Variants in XPO6 observed in about 807,000 individuals in gnomAD.
XPO6 encodes exportin 6, also known as exportin-6.
A neutral mutation model predicts 130.0 loss-of-function variants in XPO6; 3 were observed. The ratio of observed to expected loss-of-function variants is 0.02; its 90% confidence interval spans 0.01 to 0.06. The LOEUF is 0.06. Among genes scored for constraint, XPO6 ranks in the 10% least tolerant of loss-of-function variants. The pLI is 1.00. For synonymous variants in XPO6, 524 were observed against 548.9 expected (o/e 0.95, Z 0.63); for missense variants, 970 against 1,393.0 (o/e 0.70, Z 4.83).
chr16:28,102,678 C>T (rs1192619042), intron 21 of XPO6, among the ~76,000 whole-genome samples: 6 of 152,104 alleles, frequency 3.9e-5, no homozygotes, highest in Non-Finnish European at 8.8e-5. Context: ...GCAGAGATTG[C>T]AGTAAGCTGA....
intron 1 of XPO6, among the ~76,000 whole-genome samples, chr16:28,186,371 A>ATTTT (rs1237138991): frequency 2.0e-4 from 2 of 10,134 alleles, no homozygotes. Flanking sequence ...TGCCCCAGTT[A>ATTTT]TTCTTTTTTT....
intron 8 of XPO6, among the ~76,000 whole-genome samples, chr16:28,151,422 A>G (rs2043087219): frequency 6.6e-6 from 1 of 152,184 alleles, no homozygotes; most frequent in Non-Finnish European, 1.5e-5. Context: ...CACAACGCAA[A>G]CGAAGCTCAC....
chr16:28,165,866 C>G (rs992194944), intron 6 of XPO6, among the ~76,000 whole-genome samples: 1 of 152,206 alleles, frequency 6.6e-6, no homozygotes, highest in Non-Finnish European at 1.5e-5. Context: ...GATGCAATTT[C>G]CTCTTTCCAT....
chr16:28,149,422 G>A (rs1449098026), intron 8 of XPO6, among the ~76,000 whole-genome samples: 3 of 152,192 alleles, frequency 2.0e-5, no homozygotes, highest in African/African-American at 7.2e-5. Context: ...ACTGTTCTTC[G>A]AAATTATGTT....
chr16:28,101,727 C>CA lies in XPO6; in HGVS notation c.3046-40dup. ...GACCAGGTGAGCAGCAGCCAGCCCC[C>CA]AGGGGCCTGTCCCGGGTCCCATCCA... On this transcript the variant is annotated intron_variant, in intron 22 of 23. Transcript: ENST00000304658. The surrounding 1 kb of genome is among the most constrained non-coding windows in gnomAD (Gnocchi z 5.4). 1.3e-6 allele frequency: 2 copies of CA among 1,591,072 alleles called. No homozygotes were observed. The highest frequency in any genetic ancestry group is 1.7e-6 in the Non-Finnish European group (2 of 1,165,296).
At chr16:28,099,737 T>C (rs2086615345) in intron 23 of XPO6, among the ~76,000 whole-genome samples, 1 of 152,250 alleles carries the variant, frequency 6.6e-6, no homozygotes, top group African/African-American at 2.4e-5. Flanking sequence ...TTGGCCTGTC[T>C]ACCATGAAAG....
intron 9 of XPO6, among the ~76,000 whole-genome samples, chr16:28,145,122 T>C (rs1479813955): frequency 2.6e-5 from 4 of 152,206 alleles, no homozygotes; most frequent in Non-Finnish European, 4.4e-5. Flanking sequence ...ATAGCATAAA[T>C]ATACAAATTA....
At chr16:28,147,406 G>GA (rs1047740659) in intron 8 of XPO6, among the ~76,000 whole-genome samples, 4 of 145,886 alleles carry the variant, frequency 2.7e-5, no homozygotes, top group Non-Finnish European at 6.0e-5. Flanking sequence ...GTATATTTTA[G>GA]AAAAAAAATT....
intron 1 of XPO6, among the ~76,000 whole-genome samples, chr16:28,194,520 T>C (rs1454107953): frequency 6.6e-6 from 1 of 152,054 alleles, no homozygotes; most frequent in Non-Finnish European, 1.5e-5. Flanking sequence ...AATGAGAAAC[T>C]GCTTAATTAA....
chr16:28,208,604 T>C (rs946612564), intron 1 of XPO6, among the ~76,000 whole-genome samples: 5 of 152,216 alleles, frequency 3.3e-5, no homozygotes, highest in African/African-American at 4.8e-5. Context: ...ACTTGCAACG[T>C]ACCTCAGAAA....
rs916262837 is a variant in XPO6, at chr16:28,176,210, G to C, written c.208-115C>G. On this transcript the variant is annotated intron_variant, in intron 3 of 23. Transcript: ENST00000304658. ...AAACAAGAATCCCTCTTTAAATAAAGGTTTGGGGCAATATGGCAATAAGAA... is the reference window on the plus strand; with the variant it reads ...AAACAAGAATCCCTCTTTAAATAAACGTTTGGGGCAATATGGCAATAAGAA... 6.5e-6 allele frequency: 6 copies of C among 929,782 alleles called. No homozygotes were observed. The African/African-American group carries it at 1.0e-4, about 16-fold the overall frequency. The allele number at this position is 929,782 out of a possible 1,614,324, so 57.6% of individuals were successfully genotyped here.
At chr16:28,126,348 G>C (rs1367631659) in intron 12 of XPO6, among the ~76,000 whole-genome samples, 1 of 152,178 alleles carries the variant, frequency 6.6e-6, no homozygotes, top group Admixed American at 6.5e-5. Flanking sequence ...CCCCTGCTAA[G>C]AGAGGAGAGG....
chr16:28,123,495 G>C (rs1268141774), intron 13 of XPO6, among the ~76,000 whole-genome samples: 2 of 152,278 alleles, frequency 1.3e-5, no homozygotes, highest in East Asian at 3.9e-4. Flanking sequence ...CCTGGAAATG[G>C]ATGCCAGGGA....
rs376854514 is a variant in XPO6 at position 28,098,499 on chromosome 16, G to A, written c.*39C>T. Reference sequence around the variant, plus strand: ...GGTGGAAGGTAGGGCTGGCGCAGGTGGCAGCAGCAGAAGTCCGTGTCCCCA... The same window carrying A: ...GGTGGAAGGTAGGGCTGGCGCAGGTAGCAGCAGCAGAAGTCCGTGTCCCCA... On this transcript the variant is annotated 3_prime_UTR_variant, in exon 24 of 24. Coordinates refer to ENST00000304658, the MANE Select transcript of XPO6 (RefSeq NM_015171.4). 26 of 1,554,658 alleles carry A rather than the reference G, an allele frequency of 1.7e-5. 1 individual carries two copies. Among genetic ancestry groups the A allele is most frequent in the Non-Finnish European group, 2.3e-5 (26 of 1,134,498 alleles).
chr16:28,134,773 TAAG>T (rs1229936962), intron 10 of XPO6, among the ~76,000 whole-genome samples: 1 of 152,256 alleles, frequency 6.6e-6, no homozygotes, highest in Non-Finnish European at 1.5e-5. Context: ...AGGCTGATTT[TAAG>T]AAGCAGAAGT....
At chr16:28,116,695 C>T (rs1016320245) in intron 15 of XPO6, among the ~76,000 whole-genome samples, 2 of 152,174 alleles carry the variant, frequency 1.3e-5, no homozygotes, top group East Asian at 3.8e-4. Flanking sequence ...GTGGAGCAGT[C>T]AGAACACACA....
At chr16:28,110,985 G>A (rs941108028) in intron 17 of XPO6, among the ~76,000 whole-genome samples, 1 of 152,172 alleles carries the variant, frequency 6.6e-6, no homozygotes, top group Non-Finnish European at 1.5e-5. Flanking sequence ...TAAGAAGGAA[G>A]CATGGTTAAA....
In XPO6 at chr16:28,211,676, AC is replaced by A. The variant is rs1329985811; in HGVS notation, c.-309del. On this transcript the variant is annotated 5_prime_UTR_variant, in exon 1 of 24. Transcript: ENST00000304658. ...TGCTCGGGACCCCCGCCCGGGCCCGACCCCCGCGGGGGAGGCTGCGGGCCCA... is the reference window on the plus strand; with the variant it reads ...TGCTCGGGACCCCCGCCCGGGCCCGACCCCGCGGGGGAGGCTGCGGGCCCA... 4 of 386,088 alleles carry A rather than the reference AC, an allele frequency of 1.0e-5. No homozygotes were observed. Among genetic ancestry groups the A allele is most frequent in the Non-Finnish European group, 1.8e-5 (4 of 221,954 alleles). The allele number at this position is 386,088 out of a possible 1,614,324, so 23.9% of individuals were successfully genotyped here. A position where few individuals can be genotyped will look rare whatever the true frequency, so the allele number is the denominator to read the frequency against.
chr16:28,195,067 T>C (rs1160937742), intron 1 of XPO6, among the ~76,000 whole-genome samples: 1 of 151,706 alleles, frequency 6.6e-6, no homozygotes, highest in Non-Finnish European at 1.5e-5. Context: ...CTTGTGGGCT[T>C]CAACATGACA....
Sources: gnomAD v4.1 joint callset for allele counts (sites outside exome capture counted in the v4.1 genomes callset) on GRCh38, gnomAD v4.1.1 for gene constraint, Gnocchi (gnomAD v3.1) non-coding constraint, MANE v1.5 for transcripts, NCBI Gene and HGNC (gene_info 2026-07-23, HGNC 2026-07-21) for gene names.